TTC27: variants seen among roughly 807,000 people sequenced by gnomAD.
The protein encoded by TTC27 is tetratricopeptide repeat domain 27, also known as tetratricopeptide repeat protein 27.
Under a neutral mutation model 115.9 loss-of-function variants are expected in TTC27, and 79 were observed. The observed-to-expected ratio is 0.68, with a 90% CI of 0.57 to 0.82. TTC27 has a LOEUF of 0.82. TTC27 is among the 40% of genes least tolerant of loss of function. The pLI is 0.00. For synonymous variants in TTC27, 401 were observed against 356.0 expected (o/e 1.13, Z -1.42); for missense variants, 1,054 against 993.1 (o/e 1.06, Z -0.82).
At chr2:32,741,866 T>G (rs943034768) in intron 12 of TTC27, among the ~76,000 whole-genome samples, 17 of 152,108 alleles carry the variant, frequency 1.1e-4, no homozygotes, top group African/African-American at 3.6e-4. Flanking sequence ...AACCACTGCC[T>G]TACTCTTCTC....
intron 16 of TTC27, among the ~76,000 whole-genome samples, chr2:32,798,231 C>T (rs1474331290): frequency 4.0e-5 from 6 of 149,244 alleles, no homozygotes; most frequent in Admixed American, 6.7e-5. Flanking sequence ...ACAGTAAAAC[C>T]CCATCTCTAC....
In TTC27 at chr2:32,764,624, A is replaced by G. The variant is rs376374384; in HGVS notation, c.1680+6105A>G. ...ACAGTGAAGTTTGCTGCATAGATGG[A>G]CTCTTCCTTTCATGCCAGATTTCTC... On this transcript the variant is annotated intron_variant, in intron 13 of 19. Coordinates refer to ENST00000317907, the MANE Select transcript of TTC27 (RefSeq NM_017735.5). Among the ~76,000 whole-genome samples, 4 of 151,896 alleles carry G rather than the reference A, an allele frequency of 2.6e-5. No individual in the cohort carries two copies. The South Asian group carries it at 8.3e-4, about 32-fold the overall frequency.
chr2:32,687,825 A>G (rs991059334), intron 9 of TTC27, among the ~76,000 whole-genome samples: 5 of 152,188 alleles, frequency 3.3e-5, no homozygotes, highest in African/African-American at 1.2e-4. Context: ...GATAGAACTA[A>G]ATTGAAAAAC....
chr2:32,662,356 T>A (rs553013677), intron 5 of TTC27, among the ~76,000 whole-genome samples: 1 of 152,186 alleles, frequency 6.6e-6, no homozygotes, highest in African/African-American at 2.4e-5. Flanking sequence ...CCAGCTCCTC[T>A]TTGTACCTCT....
chr2:32,682,132 AGTT>A (rs1666453512), intron 9 of TTC27, among the ~76,000 whole-genome samples: 2 of 151,734 alleles, frequency 1.3e-5, no homozygotes, highest in Non-Finnish European at 2.9e-5. Flanking sequence ...CTTTACTCAT[AGTT>A]GTTGTGAATA....
intron 10 of TTC27, among the ~76,000 whole-genome samples, chr2:32,713,534 G>A (rs912614365): frequency 2.6e-5 from 4 of 152,076 alleles, no homozygotes; most frequent in East Asian, 1.9e-4. Flanking sequence ...AATTTAAGTC[G>A]TGAAGTTCTG....
chr2:32,751,982 C>T (rs539556240), intron 12 of TTC27, among the ~76,000 whole-genome samples: 1 of 152,280 alleles, frequency 6.6e-6, no homozygotes, highest in South Asian at 2.1e-4. Context: ...TAGTTTGGAA[C>T]TGAAGTTTCA....
chr2:32,703,461 C>G (rs1667260629), intron 10 of TTC27, among the ~76,000 whole-genome samples: 2 of 152,080 alleles, frequency 1.3e-5, no homozygotes, highest in Non-Finnish European at 2.9e-5. Context: ...GAGCAAGACT[C>G]CATCTCAAAT....
intron 10 of TTC27, among the ~76,000 whole-genome samples, chr2:32,723,212 C>A (rs1008237025): frequency 9.9e-5 from 15 of 152,272 alleles, no homozygotes; most frequent in African/African-American, 3.6e-4. Flanking sequence ...GTTCTTTGGA[C>A]AAGGTCAGAT....
At chr2:32,801,409 T>TA (rs973617286) in intron 16 of TTC27, among the ~76,000 whole-genome samples, 9 of 152,202 alleles carry the variant, frequency 5.9e-5, no homozygotes, top group African/African-American at 2.2e-4. Context: ...TGTGGCACCC[T>TA]AACTCCAATC....
chr2:32,669,509 T>A (rs540291936), intron 7 of TTC27, among the ~76,000 whole-genome samples: 10 of 152,348 alleles, frequency 6.6e-5, no homozygotes, highest in African/African-American at 2.4e-4. Flanking sequence ...ATACACCATC[T>A]GTTTAATAAC....
intron 16 of TTC27, among the ~76,000 whole-genome samples, chr2:32,809,910 A>C (rs570131665): frequency 6.6e-6 from 1 of 152,244 alleles, no homozygotes; most frequent in South Asian, 2.1e-4. Flanking sequence ...CGAGGTCAGG[A>C]GTTCAAGACC....
intron 8 of TTC27, among the ~76,000 whole-genome samples, chr2:32,674,172 A>G (rs1221756341): frequency 1.3e-5 from 2 of 149,916 alleles, no homozygotes; most frequent in Non-Finnish European, 3.0e-5. Flanking sequence ...TTTTTTTGAG[A>G]CAGAGTCTTG....
chr2:32,785,106 T>C (rs1670304026), intron 15 of TTC27, among the ~76,000 whole-genome samples: 1 of 152,212 alleles, frequency 6.6e-6, no homozygotes, highest in African/African-American at 2.4e-5. Flanking sequence ...TAAGTTTAGC[T>C]GATGATAAAA....
At chr2:32,722,844 TC>T (rs1246122090) in intron 10 of TTC27, among the ~76,000 whole-genome samples, 2 of 152,116 alleles carry the variant, frequency 1.3e-5, no homozygotes, top group Non-Finnish European at 1.5e-5. Flanking sequence ...AGGACATGGT[TC>T]TGTGTGGGAA....
chr2:32,739,188 C>T (rs998422415), intron 12 of TTC27, among the ~76,000 whole-genome samples: 3 of 152,152 alleles, frequency 2.0e-5, no homozygotes, highest in African/African-American at 7.2e-5. Flanking sequence ...GACTTCCAGT[C>T]TGATGTAGTT....
intron 4 of TTC27, among the ~76,000 whole-genome samples, chr2:32,643,998 C>A (rs761969354): frequency 6.6e-6 from 1 of 151,756 alleles, no homozygotes; most frequent in Non-Finnish European, 1.5e-5. Context: ...CTGGCCAACA[C>A]AGTGAAACCC....
At chr2:32,732,209 A>G (rs1413754187) in intron 10 of TTC27, among the ~76,000 whole-genome samples, 1 of 152,140 alleles carries the variant, frequency 6.6e-6, no homozygotes, top group Non-Finnish European at 1.5e-5. Flanking sequence ...CCCTCCCACA[A>G]CTAAACAGCT....
intron 3 of TTC27, among the ~76,000 whole-genome samples, chr2:32,636,219 T>G (rs1664418881): frequency 1.3e-5 from 2 of 151,988 alleles, no homozygotes. Context: ...TCGCATTTCT[T>G]TTTTTTTGTT....
Sources: allele counts gnomAD v4.1 joint callset (sites outside exome capture counted in the v4.1 genomes callset), GRCh38; gene constraint gnomAD v4.1.1; transcripts MANE v1.5; gene names NCBI Gene and HGNC (gene_info 2026-07-23, HGNC 2026-07-21).